The following SHTN1 variants were observed in gnomAD, a reference collection of about 807,000 sequenced individuals.
The protein encoded by SHTN1 is shootin-1.
A neutral mutation model predicts 83.1 loss-of-function variants in SHTN1; 42 were observed. The ratio of observed to expected loss-of-function variants is 0.51; its 90% CI spans 0.39 to 0.65. The LOEUF is 0.65. SHTN1 is among the 30% of genes least tolerant of loss of function. The probability of loss-of-function intolerance (pLI) is 0.00; values close to 1 mark genes in which losing one functional copy is unlikely to be tolerated. For missense variants in SHTN1, 622 were observed against 737.8 expected, an observed-to-expected ratio of 0.84 and a Z score of 1.82; for synonymous variants, 224 against 247.7, an observed-to-expected ratio of 0.90 and a Z score of 0.90.
At chr10:116,981,843 G>GGTCAGGA (rs1273001520) in intron 1 of SHTN1, among the ~76,000 whole-genome samples, 1 of 152,122 alleles carries the variant, frequency 6.6e-6, no homozygotes, top group Non-Finnish European at 1.5e-5. Flanking sequence ...CAGATCATCA[G>GGTCAGGA]GTCAGGAGTT....
intron 2 of SHTN1, among the ~76,000 whole-genome samples, chr10:117,032,580 G>A (rs1484976560): frequency 6.6e-6 from 1 of 152,138 alleles, no homozygotes; most frequent in Non-Finnish European, 1.5e-5. Context: ...GTGAGAGACA[G>A]GCCCCAGTAC....
intron 1 of SHTN1, among the ~76,000 whole-genome samples, chr10:117,076,752 T>C (rs1368423950): frequency 1.3e-5 from 2 of 152,160 alleles, no homozygotes; most frequent in Admixed American, 6.5e-5. Context: ...CATTAACTTT[T>C]AGAAAGAGAA....
intron 16 of SHTN1, among the ~76,000 whole-genome samples, chr10:116,896,531 C>T (rs1418420063): frequency 6.6e-6 from 1 of 152,232 alleles, no homozygotes; most frequent in South Asian, 2.1e-4. Flanking sequence ...TAAAAAAATA[C>T]ATACATCTGC....
chr10:117,106,715 C>T lies in SHTN1; in HGVS notation c.-189+19592G>A, dbSNP rs142044063. ...CCCAGCTACTTTTCAAACCTCACTT[C>T]TACTATTTCTTTCCTTCTAATTCTT... On this transcript the variant is annotated intron_variant, in intron 1 of 17. Coordinates refer to the SHTN1 transcript ENST00000392901. 1.2e-3 allele frequency among the ~76,000 whole-genome samples: 176 copies of T among 152,280 alleles called. 1 individual carries two copies. The highest frequency in any genetic ancestry group is 4.1e-3 in the African/African-American group (170 of 41,562).
At chr10:116,935,804 T>C (rs527879228) in intron 9 of SHTN1, among the ~76,000 whole-genome samples, 11 of 152,280 alleles carry the variant, frequency 7.2e-5, no homozygotes, top group African/African-American at 2.4e-4. Flanking sequence ...CTGGGCTTTT[T>C]TTTGGTTAGC....
chr10:117,061,888 A>T (rs1564945858), intron 1 of SHTN1, among the ~76,000 whole-genome samples: 1 of 151,896 alleles, frequency 6.6e-6, no homozygotes, highest in Non-Finnish European at 1.5e-5. Flanking sequence ...TTAAAATAAC[A>T]CTCTTACTGA....
At chr10:116,979,229 A>T in intron 2 of SHTN1, 27 bp downstream of exon 2, 2 of 1,600,786 alleles carry the variant, frequency 1.2e-6, no homozygotes. Flanking sequence ...CATGTAAGAA[A>T]GGGGAAAAAA....
intron 14 of SHTN1, among the ~76,000 whole-genome samples, chr10:116,910,644 C>T (rs1848155706): frequency 6.6e-6 from 1 of 152,186 alleles, no homozygotes; most frequent in African/African-American, 2.4e-5. Flanking sequence ...TTGGCCAGAA[C>T]TGTGCCCCAG....
intron 1 of SHTN1, among the ~76,000 whole-genome samples, chr10:116,999,926 CATAA>C (rs1242417237): frequency 6.6e-5 from 10 of 152,076 alleles, no homozygotes; most frequent in African/African-American, 2.2e-4. Context: ...TAAATAAATA[CATAA>C]ATAAATAAAT....
At chr10:116,991,316 G>A (rs1333558196) in intron 1 of SHTN1, among the ~76,000 whole-genome samples, 1 of 152,178 alleles carries the variant, frequency 6.6e-6, no homozygotes, top group South Asian at 2.1e-4. Context: ...GTCTATCTGT[G>A]TTGCCATAAA....
chr10:116,895,804 T>C (rs1847496887), intron 16 of SHTN1, among the ~76,000 whole-genome samples: 1 of 152,198 alleles, frequency 6.6e-6, no homozygotes, highest in Non-Finnish European at 1.5e-5. Flanking sequence ...CAGTTAGAAG[T>C]GTAATTTTGG....
At chr10:116,991,154 C>T (rs1851420688) in intron 1 of SHTN1, among the ~76,000 whole-genome samples, 1 of 151,904 alleles carries the variant, frequency 6.6e-6, no homozygotes, top group Non-Finnish European at 1.5e-5. Context: ...CCACTGCACT[C>T]CAGCCTGGGC....
At chr10:117,038,835 G>A (rs548105811) in intron 2 of SHTN1, among the ~76,000 whole-genome samples, 95 of 152,322 alleles carry the variant, frequency 6.2e-4, no homozygotes, top group African/African-American at 2.3e-3. Context: ...CCAGAACACT[G>A]ACGATACCAA....
upstream of SHTN1, among the ~76,000 whole-genome samples, chr10:117,009,794 C>T (rs1589894054): frequency 6.6e-6 from 1 of 151,618 alleles, no homozygotes; most frequent in Non-Finnish European, 1.5e-5. Flanking sequence ...GTCCCAGCTA[C>T]TGGGAGGCTG....
In SHTN1 at chr10:117,017,517, A is replaced by G. The variant is rs542774909; in HGVS notation, c.-123+30928T>C. Among the ~76,000 whole-genome samples, 587 of 152,122 alleles carry G rather than the reference A, an allele frequency of 3.9e-3. 9 individuals are homozygous for G. Among genetic ancestry groups the G allele is most frequent in the South Asian group, 0.022 (106 of 4,828 alleles). ...AAAAAAAAAAAAAAAATTAAATAAA[A>G]TAACAGTAGTATTACAATCTAACCA... On this transcript the variant is annotated intron_variant, in intron 2 of 17. Transcript: ENST00000392901.
intron 1 of SHTN1, among the ~76,000 whole-genome samples, chr10:117,067,069 T>C (rs564398181): frequency 6.6e-6 from 1 of 152,302 alleles, no homozygotes; most frequent in Non-Finnish European, 1.5e-5. Flanking sequence ...TGTAAGAGCA[T>C]TCTGCCTAGA....
chr10:117,010,702 T>A (rs1852090916), intron 2 of SHTN1, among the ~76,000 whole-genome samples: 1 of 151,952 alleles, frequency 6.6e-6, no homozygotes, highest in Non-Finnish European at 1.5e-5. Context: ...ACAAACCAAA[T>A]CCAACAACAC....
At chr10:116,920,402 T>A (rs1486122673) in intron 12 of SHTN1, among the ~76,000 whole-genome samples, 1 of 152,160 alleles carries the variant, frequency 6.6e-6, no homozygotes, top group Admixed American at 6.5e-5. Context: ...CATCTCATCA[T>A]TGTCCTGTAT....
chr10:116,962,920 T>C (rs1414338748), intron 3 of SHTN1, among the ~76,000 whole-genome samples: 1 of 151,904 alleles, frequency 6.6e-6, no homozygotes, highest in African/African-American at 2.4e-5. Context: ...TTTCAAAGGG[T>C]GATTATATCT....
Sources: gnomAD v4.1 joint callset for allele counts (sites outside exome capture counted in the v4.1 genomes callset) on GRCh38, gnomAD v4.1.1 for gene constraint, MANE v1.5 for transcripts, NCBI Gene and HGNC (gene_info 2026-07-23, HGNC 2026-07-21) for gene names.